Variants in RGS8 observed in about 807,000 individuals in gnomAD.
RGS8 encodes the protein regulator of G protein signaling 8.
A neutral mutation model predicts 21.7 loss-of-function variants in RGS8; 8 were observed. The observed-to-expected ratio is 0.37, with a 90% confidence interval of 0.22 to 0.66. The LOEUF is 0.66. Among genes scored for constraint, RGS8 ranks in the 30% least tolerant of loss-of-function variants. The pLI is 0.59. For missense variants in RGS8, 157 were observed against 217.9 expected (o/e 0.72, Z 1.76); for synonymous variants, 80 against 83.6 (o/e 0.96, Z 0.24).
chr1:182,752,117 G>T, the RGS8 span, among the ~76,000 whole-genome samples: 1 of 152,180 alleles, frequency 6.6e-6, no homozygotes, highest in Admixed American at 6.5e-5. Context: ...AAACATAAGA[G>T]CCAGAGAGAT....
At chr1:182,659,107 C>G (rs1252090539) in intron 5 of RGS8, among the ~76,000 whole-genome samples, 2 of 152,194 alleles carry the variant, frequency 1.3e-5, no homozygotes, top group Non-Finnish European at 2.9e-5. Context: ...AGCCTATGAT[C>G]AAACCCTACA....
At chr1:182,695,902 C>G in the RGS8 span, among the ~76,000 whole-genome samples, 11 of 152,172 alleles carry the variant, frequency 7.2e-5, no homozygotes, top group South Asian at 6.2e-4. Flanking sequence ...TTCAAAACTT[C>G]CACAGAATCG....
At chr1:182,673,948 T>C (rs1185009544), upstream of RGS8, among the ~76,000 whole-genome samples, 3 of 152,260 alleles carry the variant, frequency 2.0e-5, no homozygotes, top group East Asian at 5.8e-4. Flanking sequence ...ATTTGAGTTA[T>C]CTATTTAATT....
intron 5 of RGS8, among the ~76,000 whole-genome samples, chr1:182,665,294 G>C (rs1307990375): frequency 6.6e-6 from 1 of 152,158 alleles, no homozygotes; most frequent in African/African-American, 2.4e-5. Flanking sequence ...GAAAAAGCAA[G>C]AGATGAAAAG....
the RGS8 span, among the ~76,000 whole-genome samples, chr1:182,742,224 G>A: frequency 0.018 from 2,641 of 149,756 alleles, 75 homozygotes; most frequent in African/African-American, 0.063. Flanking sequence ...ATGGGATGGC[G>A]GCCGGGCAGA....
chr1:182,740,057 G>A, the RGS8 span, among the ~76,000 whole-genome samples: 1 of 152,120 alleles, frequency 6.6e-6, no homozygotes, highest in South Asian at 2.1e-4. Flanking sequence ...AGATTCATAT[G>A]GAATTGTGTA....
chr1:182,735,953 A>G, the RGS8 span, among the ~76,000 whole-genome samples: 6 of 152,308 alleles, frequency 3.9e-5, no homozygotes, highest in African/African-American at 1.4e-4. Flanking sequence ...TTGGGTTAGG[A>G]CAATGTTTCT....
chr1:182,692,206 C>T, the RGS8 span, among the ~76,000 whole-genome samples: 12 of 151,970 alleles, frequency 7.9e-5, no homozygotes, highest in Middle Eastern at 3.4e-3. Context: ...GCTTTCAGCA[C>T]GTTGGTCAGG....
rs111790229 is a variant in RGS8 at position 182,653,256 on chromosome 1, G to A, written c.194-4953C>T. ...GTTCTAGGTGTCCCATGGTACGTAC[G>A]GTGGTGAATGAGACTGAATGAAGTG... On this transcript the variant is annotated intron_variant, in intron 5 of 6. Transcript: ENST00000483095. 6.6e-5 allele frequency among the ~76,000 whole-genome samples: 10 copies of A among 152,274 alleles called. 1 individual carries two copies. The highest frequency in any genetic ancestry group is 2.2e-4 in the African/African-American group (9 of 41,544).
At chr1:182,732,269 T>TCTCACACA in the RGS8 span, among the ~76,000 whole-genome samples, 11 of 126,358 alleles carry the variant, frequency 8.7e-5, no homozygotes, top group African/African-American at 3.2e-4. Flanking sequence ...GCTCTCTCTC[T>TCTCACACA]CATACACACA....
intron 5 of RGS8, among the ~76,000 whole-genome samples, chr1:182,660,229 T>A (rs974279013): frequency 1.3e-5 from 2 of 152,204 alleles, no homozygotes; most frequent in African/African-American, 4.8e-5. Context: ...TCATTCCCCT[T>A]CTACAGATGA....
chr1:182,710,971 G>A, the RGS8 span, among the ~76,000 whole-genome samples: 1 of 152,020 alleles, frequency 6.6e-6, no homozygotes, highest in African/African-American at 2.4e-5. Context: ...GAAACCAAAG[G>A]CATCTTTAAG....
chr1:182,670,551 A>G (rs1317367045), intron 2 of RGS8, among the ~76,000 whole-genome samples: 1 of 152,168 alleles, frequency 6.6e-6, no homozygotes, highest in African/African-American at 2.4e-5. Flanking sequence ...ACGTGAGGAG[A>G]GCAGCCTATC....
chr1:182,650,038 A>G (rs193213936), intron 5 of RGS8, among the ~76,000 whole-genome samples: 267 of 152,140 alleles, frequency 1.8e-3, no homozygotes, highest in African/African-American at 6.2e-3. Flanking sequence ...CAGCCTCCCA[A>G]ATAGCTGGGA....
downstream of RGS8, chr1:182,643,336 C>CG (rs1553214956): frequency 8.9e-3 from 1,209 of 136,082 alleles, 50 homozygotes; most frequent in African/African-American, 0.034. Context: ...CCCCCGCCCC[C>CG]GCGCTGTGTT....
At chr1:182,686,778 G>A (rs894287904), upstream of RGS8, among the ~76,000 whole-genome samples, 4 of 152,080 alleles carry the variant, frequency 2.6e-5, no homozygotes, top group Non-Finnish European at 4.4e-5. Context: ...GAGATGAGGG[G>A]AGTAAATGGA....
intron 1 of RGS8, among the ~76,000 whole-genome samples, chr1:182,681,734 CG>C (rs1175660827): frequency 1.3e-5 from 2 of 152,202 alleles, no homozygotes; most frequent in African/African-American, 4.8e-5. Context: ...GAGCTGGAGG[CG>C]GGAGGAGGGA....
intron 5 of RGS8, among the ~76,000 whole-genome samples, chr1:182,665,378 G>A (rs1007325933): frequency 6.6e-6 from 1 of 152,162 alleles, no homozygotes; most frequent in Non-Finnish European, 1.5e-5. Context: ...GAAACAAAAG[G>A]CATTACAGAT....
At chr1:182,685,447 A>G (rs10911115), upstream of RGS8, among the ~76,000 whole-genome samples, 6 of 152,374 alleles carry the variant, frequency 3.9e-5, no homozygotes, top group African/African-American at 1.4e-4. Flanking sequence ...CGGAGCTTAC[A>G]GTCACCAGCT....
Sources: allele counts gnomAD v4.1 joint callset (sites outside exome capture counted in the v4.1 genomes callset), GRCh38; gene constraint gnomAD v4.1.1; transcripts MANE v1.5; gene names NCBI Gene and HGNC (gene_info 2026-07-23, HGNC 2026-07-21).